The following KCNMA1 variants were observed in gnomAD, a reference collection of about 807,000 sequenced individuals.
KCNMA1 encodes potassium calcium-activated channel subfamily M alpha 1.
Under a neutral mutation model 140.0 loss-of-function variants are expected in KCNMA1, and 29 were observed. The observed-to-expected ratio is 0.21, with a 90% CI of 0.15 to 0.28. KCNMA1 has a LOEUF of 0.28. Among genes scored for constraint, KCNMA1 ranks in the 10% least tolerant of loss-of-function variants. The pLI, the probability that KCNMA1 is intolerant of heterozygous loss-of-function variation, is 1.00. For synonymous variants in KCNMA1, 612 were observed against 611.9 expected, an observed-to-expected ratio of 1.00 and a Z score of 0.00; for missense variants, 880 against 1,602.2, an observed-to-expected ratio of 0.55 and a Z score of 7.70.
At chr10:77,438,752 C>T (rs1302742189) in intron 1 of KCNMA1, among the ~76,000 whole-genome samples, 1 of 152,136 alleles carries the variant, frequency 6.6e-6, no homozygotes, top group Non-Finnish European at 1.5e-5. Context: ...TATTCCTTCT[C>T]TCCACAACAT....
chr10:77,381,256 A>G (rs2095373290), intron 2 of KCNMA1, among the ~76,000 whole-genome samples: 1 of 152,192 alleles, frequency 6.6e-6, no homozygotes, highest in Non-Finnish European at 1.5e-5. Context: ...GGGAAGATAG[A>G]TGATAAGTAA....
Position 76,886,907 on chromosome 10 carries a change from T to A in KCNMA1, c.*359A>T. The A allele has an allele frequency of 8.9e-7, 1 of 1,129,540 alleles. No homozygotes were observed. Among genetic ancestry groups the A allele is most frequent in the Non-Finnish European group, 1.1e-6 (1 of 914,520 alleles). The allele number at this position is 1,129,540 out of a possible 1,614,324, so 70.0% of individuals were successfully genotyped here. On this transcript the variant is annotated 3_prime_UTR_variant, in exon 28 of 28. Transcript: ENST00000286628. ...AATCCTGATAAATCAGAATCAACTTTTCTTTTACATTAAATAAACTTGCTC... is the reference window on the plus strand; with the variant it reads ...AATCCTGATAAATCAGAATCAACTTATCTTTTACATTAAATAAACTTGCTC...
chr10:77,541,292 T>C (rs992217597), intron 1 of KCNMA1, among the ~76,000 whole-genome samples: 1 of 151,842 alleles, frequency 6.6e-6, no homozygotes, highest in African/African-American at 2.4e-5. Context: ...AAGAAACATA[T>C]AGAAAAGCCT....
intron 23 of KCNMA1, among the ~76,000 whole-genome samples, chr10:76,917,866 A>C (rs776352282): frequency 5.9e-5 from 9 of 152,196 alleles, no homozygotes; most frequent in Non-Finnish European, 1.0e-4. Context: ...GATATGGGAA[A>C]ATTATGGTCA....
chr10:76,930,514 A>T (rs1270829012), intron 23 of KCNMA1, among the ~76,000 whole-genome samples: 1 of 152,210 alleles, frequency 6.6e-6, no homozygotes, highest in Non-Finnish European at 1.5e-5. Context: ...ACCCTTGTAC[A>T]CTGCTGGTGG....
intron 19 of KCNMA1, chr10:76,995,362 G>A (rs764003750): frequency 1.1e-5 from 4 of 348,676 alleles, no homozygotes; most frequent in South Asian, 2.3e-5. Context: ...AGCCTAAGGC[G>A]CTGCAAACTC....
At chr10:77,187,060 T>C (rs546171581) in intron 3 of KCNMA1, among the ~76,000 whole-genome samples, 2 of 152,060 alleles carry the variant, frequency 1.3e-5, no homozygotes, top group Admixed American at 1.3e-4. Flanking sequence ...ATTGGTGGAG[T>C]TACTGGTGGC....
chr10:77,208,878 A>T (rs2154170373), intron 3 of KCNMA1, among the ~76,000 whole-genome samples: 1 of 152,306 alleles, frequency 6.6e-6, no homozygotes, highest in Middle Eastern at 3.4e-3. Context: ...CTTATGAAGT[A>T]ATCCTCATCC....
chr10:77,057,903 T>A (rs946365126), intron 14 of KCNMA1, among the ~76,000 whole-genome samples: 4 of 151,734 alleles, frequency 2.6e-5, no homozygotes, highest in Non-Finnish European at 4.4e-5. Flanking sequence ...TAGGCCTAAA[T>A]CCAAACATAT....
At chr10:77,076,622 G>C (rs1052053935) in intron 13 of KCNMA1, among the ~76,000 whole-genome samples, 3 of 152,332 alleles carry the variant, frequency 2.0e-5, no homozygotes, top group Middle Eastern at 3.4e-3. Flanking sequence ...GAGCTGCGCT[G>C]TCTATACAGA....
intron 5 of KCNMA1, among the ~76,000 whole-genome samples, chr10:77,149,210 A>T (rs1276721055): frequency 6.6e-6 from 1 of 152,144 alleles, no homozygotes; most frequent in Non-Finnish European, 1.5e-5. Flanking sequence ...GGACTTGACG[A>T]TCTATTTAAC....
chr10:77,099,103 AC>A (rs930460258), intron 9 of KCNMA1, among the ~76,000 whole-genome samples: 1 of 152,158 alleles, frequency 6.6e-6, no homozygotes, highest in African/African-American at 2.4e-5. Context: ...CTGAGAGAAG[AC>A]TAAGGCAGGC....
chr10:76,938,360 C>T (rs1399292832), intron 23 of KCNMA1, among the ~76,000 whole-genome samples: 1 of 152,194 alleles, frequency 6.6e-6, no homozygotes, highest in Non-Finnish European at 1.5e-5. Flanking sequence ...CATCCTCTGA[C>T]CCCCAGAAGG....
intron 1 of KCNMA1, among the ~76,000 whole-genome samples, chr10:77,564,575 TC>T (rs2067503832): frequency 6.6e-6 from 1 of 152,060 alleles, no homozygotes; most frequent in South Asian, 2.1e-4. Context: ...AGAGCAAGAC[TC>T]TGTCTCAAAA....
intron 3 of KCNMA1, among the ~76,000 whole-genome samples, chr10:77,217,727 C>A (rs1444616544): frequency 1.5e-5 from 2 of 130,658 alleles, no homozygotes; most frequent in East Asian, 2.2e-4. Context: ...ATGAACTAAA[C>A]CCTATCATAA....
chr10:77,603,119 T>C (rs188922084), intron 1 of KCNMA1, among the ~76,000 whole-genome samples: 122 of 152,216 alleles, frequency 8.0e-4, no homozygotes, highest in Non-Finnish European at 1.4e-3. Context: ...AAATCAGGCA[T>C]AAAAACTGCT....
intron 1 of KCNMA1, among the ~76,000 whole-genome samples, chr10:77,469,681 A>G (rs1384229616): frequency 6.6e-6 from 1 of 152,246 alleles, no homozygotes; most frequent in African/African-American, 2.4e-5. Flanking sequence ...TGCCTCAGCA[A>G]GGAGCCAGGG....
chr10:77,462,218 CAGAT>C (rs1344429651), intron 1 of KCNMA1, among the ~76,000 whole-genome samples: 2 of 152,030 alleles, frequency 1.3e-5, no homozygotes, highest in Non-Finnish European at 2.9e-5. Context: ...CACATATACT[CAGAT>C]AGATGCACAC....
chr10:77,239,105 T>A (rs1405506929), intron 3 of KCNMA1, among the ~76,000 whole-genome samples: 1 of 152,244 alleles, frequency 6.6e-6, no homozygotes, highest in Non-Finnish European at 1.5e-5. Context: ...ACCACATGGC[T>A]GCCTGGAGCA....
Sources: allele counts gnomAD v4.1 joint callset (sites outside exome capture counted in the v4.1 genomes callset), GRCh38; gene constraint gnomAD v4.1.1; transcripts MANE v1.5; gene names NCBI Gene and HGNC (gene_info 2026-07-23, HGNC 2026-07-21).